Variants in RNF145 observed in about 807,000 individuals in gnomAD.
RNF145 encodes the protein ring finger protein 145.
In RNF145, 12 loss-of-function variants were observed where a neutral mutation model predicts 57.3. The ratio of observed to expected loss-of-function variants is 0.21; its 90% CI spans 0.13 to 0.34. The LOEUF is 0.34. RNF145 is among the 10% of genes least tolerant of loss of function. The pLI is 1.00. For missense variants in RNF145, 429 were observed against 799.0 expected (o/e 0.54, Z 5.58); for synonymous variants, 262 against 288.3 (o/e 0.91, Z 0.92).
chr5:159,202,143 C>A (rs1785690704), intron 2 of RNF145, among the ~76,000 whole-genome samples: 2 of 152,148 alleles, frequency 1.3e-5, no homozygotes, highest in African/African-American at 4.8e-5. Flanking sequence ...CGAAAACATT[C>A]AATTTCTAAA....
In RNF145 at chr5:159,187,517, C is replaced by T. The variant is rs1438611963; in HGVS notation, c.294-5466G>A. ...TAATTTTTTGTATTTTTAGTAGATACGGGGTTTCACTATGTTGGCCAGGCT... is the reference window on the plus strand; with the variant it reads ...TAATTTTTTGTATTTTTAGTAGATATGGGGTTTCACTATGTTGGCCAGGCT... On this transcript the variant is annotated intron_variant, in intron 3 of 10. Transcript: ENST00000424310. Among the ~76,000 whole-genome samples, 32 of 151,790 alleles carry T rather than the reference C, an allele frequency of 2.1e-4. 1 individual carries two copies. The South Asian group carries it at 2.7e-3, about 13-fold the overall frequency.
chr5:159,189,968 T>C (rs1785231532), intron 3 of RNF145, among the ~76,000 whole-genome samples: 1 of 152,170 alleles, frequency 6.6e-6, no homozygotes, highest in Non-Finnish European at 1.5e-5. Context: ...TCTGGGGTGA[T>C]GAAAATCTAA....
chr5:159,208,247 A>G (rs1785972223), intron 1 of RNF145: 2 of 933,648 alleles, frequency 2.1e-6, no homozygotes, highest in South Asian at 2.0e-5. Context: ...CCGCGGGGCT[A>G]AGAGATTACG....
chr5:159,187,076 T>C (rs961406887), intron 3 of RNF145, among the ~76,000 whole-genome samples: 1 of 150,914 alleles, frequency 6.6e-6, no homozygotes, highest in Non-Finnish European at 1.5e-5. Flanking sequence ...AGGTCAGGAG[T>C]TCAAGAACAG....
intron 2 of RNF145, among the ~76,000 whole-genome samples, chr5:159,200,117 C>T (rs181909300): frequency 6.6e-6 from 1 of 152,186 alleles, no homozygotes; most frequent in Non-Finnish European, 1.5e-5. Context: ...ACAGCAAGAA[C>T]CCATCCTCCC....
intron 3 of RNF145, among the ~76,000 whole-genome samples, chr5:159,187,035 C>T (rs1039744599): frequency 5.3e-5 from 8 of 151,448 alleles, no homozygotes; most frequent in African/African-American, 1.9e-4. Context: ...AATCCCAGCA[C>T]TTTGGGAGGC....
intron 6 of RNF145, among the ~76,000 whole-genome samples, chr5:159,172,554 CTAGAT>C (rs774619837): frequency 9.2e-5 from 14 of 151,768 alleles, no homozygotes; most frequent in Admixed American, 5.3e-4. Context: ...TTACTTAATA[CTAGAT>C]TAATCGTTAA....
intron 6 of RNF145, 62 bp downstream of exon 6, chr5:159,173,921 T>C: frequency 8.8e-7 from 1 of 1,138,626 alleles, no homozygotes; most frequent in Non-Finnish European, 1.2e-6. Flanking sequence ...AACTTACTAT[T>C]CCTAGATCAA....
At chr5:159,194,657 T>C in intron 3 of RNF145, 59 bp downstream of exon 3, 3 of 1,101,208 alleles carry the variant, frequency 2.7e-6, no homozygotes, top group South Asian at 1.3e-5. Context: ...AAGTATTTTA[T>C]TGGCAAAAGA....
At chr5:159,204,307 TAC>T (rs1785780810) in intron 1 of RNF145, among the ~76,000 whole-genome samples, 1 of 151,852 alleles carries the variant, frequency 6.6e-6, no homozygotes, top group Non-Finnish European at 1.5e-5. Context: ...CTTCCCTTGA[TAC>T]ACAGATAAGC....
intron 2 of RNF145, among the ~76,000 whole-genome samples, chr5:159,202,109 C>A (rs1785689146): frequency 1.3e-5 from 2 of 152,134 alleles, no homozygotes; most frequent in Non-Finnish European, 2.9e-5. Context: ...AATTATAAAC[C>A]AGATTATGAA....
At chr5:159,201,570 G>A (rs1785668975) in intron 2 of RNF145, among the ~76,000 whole-genome samples, 2 of 152,050 alleles carry the variant, frequency 1.3e-5, no homozygotes, top group Non-Finnish European at 2.9e-5. Context: ...TTAAGATCCG[G>A]CAGACTGTCA....
chr5:159,204,786 T>G (rs1419338254), intron 1 of RNF145, among the ~76,000 whole-genome samples: 3 of 117,654 alleles, frequency 2.5e-5, no homozygotes, highest in Non-Finnish European at 4.8e-5. Flanking sequence ...CCTAGGCAAC[T>G]GAGCTAGACT....
At chr5:159,199,104 A>G (rs749934691) in intron 2 of RNF145, among the ~76,000 whole-genome samples, 5 of 152,344 alleles carry the variant, frequency 3.3e-5, no homozygotes, top group Non-Finnish European at 5.9e-5. Context: ...TTGGGAAAAT[A>G]GATAAGCATA....
chr5:159,185,263 C>T (rs1407264923), intron 3 of RNF145, among the ~76,000 whole-genome samples: 1 of 152,166 alleles, frequency 6.6e-6, no homozygotes, highest in East Asian at 1.9e-4. Context: ...GCCAGCTCAG[C>T]TTAGCATGCC....
At chr5:159,189,838 T>C (rs1785223983) in intron 3 of RNF145, among the ~76,000 whole-genome samples, 1 of 152,088 alleles carries the variant, frequency 6.6e-6, no homozygotes, top group African/African-American at 2.4e-5. Context: ...TCAGTGCATA[T>C]AAAATATCCA....
At chr5:159,179,120 T>C (rs1784800924) in intron 4 of RNF145, among the ~76,000 whole-genome samples, 1 of 152,054 alleles carries the variant, frequency 6.6e-6, no homozygotes, top group African/African-American at 2.4e-5. Flanking sequence ...GCTCTGAAAA[T>C]TCCCTTAAGT....
At chr5:159,192,091 C>CT (rs990586853) in intron 3 of RNF145, among the ~76,000 whole-genome samples, 2 of 151,116 alleles carry the variant, frequency 1.3e-5, no homozygotes, top group African/African-American at 2.4e-5. Flanking sequence ...CATGTACAGA[C>CT]TTTTTTTGTC....
At chr5:159,207,695 T>C (rs1785943817) in intron 1 of RNF145, 1 of 1,612,648 alleles carries the variant, frequency 6.2e-7, no homozygotes, top group Admixed American at 1.7e-5. Context: ...CAATGGCACA[T>C]GTTTTAAATA....
Sources: allele counts gnomAD v4.1 joint callset (sites outside exome capture counted in the v4.1 genomes callset), GRCh38; gene constraint gnomAD v4.1.1; transcripts MANE v1.5; gene names NCBI Gene and HGNC (gene_info 2026-07-23, HGNC 2026-07-21).